UQCRC1: variants seen among roughly 807,000 people sequenced by gnomAD.
UQCRC1 encodes ubiquinol-cytochrome c reductase core protein 1.
In UQCRC1, 34 loss-of-function variants were observed where a neutral mutation model predicts 58.0. The ratio of observed to expected loss-of-function variants is 0.59; its 90% CI spans 0.45 to 0.78. The LOEUF (loss-of-function observed/expected upper bound fraction) is 0.78, where lower values mean the gene tolerates loss of function less well. Ranked by LOEUF, UQCRC1 falls within the 30% of genes least tolerant of loss-of-function variation. The pLI, the probability that UQCRC1 is intolerant of heterozygous loss-of-function variation, is 0.00. For missense variants in UQCRC1, 610 were observed against 646.0 expected (o/e 0.94, Z 0.60); for synonymous variants, 276 against 248.8 (o/e 1.11, Z -1.03).
intron 6 of UQCRC1, among the ~76,000 whole-genome samples, chr3:48,602,510 G>A (rs1178996211): frequency 6.6e-6 from 1 of 151,584 alleles, no homozygotes; most frequent in Non-Finnish European, 1.5e-5. Flanking sequence ...GTCATAAGCT[G>A]GGAAGCATGT....
chr3:48,605,949 C>G, intron 2 of UQCRC1, 93 bp from the exon 3 acceptor site: 1 of 1,259,864 alleles, frequency 7.9e-7, no homozygotes, highest in Admixed American at 2.4e-5. Context: ...AAGCCCCAGG[C>G]AGGGACTTAT....
intron 2 of UQCRC1, among the ~76,000 whole-genome samples, 190 bp from the exon 3 acceptor site, chr3:48,606,046 A>G (rs2046407986): frequency 6.6e-6 from 1 of 152,002 alleles, no homozygotes; most frequent in Non-Finnish European, 1.5e-5. Context: ...CAGCCGAATG[A>G]CTCGTCACAC....
At chr3:48,599,808 C>T in intron 11 of UQCRC1, 98 bp from the exon 12 acceptor site, 2 of 1,326,172 alleles carry the variant, frequency 1.5e-6, no homozygotes, top group South Asian at 1.2e-5. Context: ...CCACAGGCAG[C>T]ATGCAGCTGT....
In UQCRC1 at chr3:48,599,716, G is replaced by A. The variant is rs751594490; in HGVS notation, c.1303-6C>T. ...ACCACACTGGCATCCACCTCCTGCA[G>A]GGTGAGGCAGAGGGCATACTGGCTA... On this transcript the variant is annotated splice_polypyrimidine_tract_variant and splice_region_variant and intron_variant, in intron 11 of 12. Coordinates refer to ENST00000203407, the MANE Select transcript of UQCRC1 (RefSeq NM_003365.3). The A allele has an allele frequency of 3.1e-6, 5 of 1,613,522 alleles. No individual in the cohort carries two copies. In the South Asian group the frequency reaches 4.4e-5, roughly 14 times the overall value.
chr3:48,606,925 T>C (rs1295367067), intron 2 of UQCRC1, among the ~76,000 whole-genome samples: 5 of 152,074 alleles, frequency 3.3e-5, no homozygotes, highest in Non-Finnish European at 5.9e-5. Context: ...AGTGGTGTGA[T>C]GTCGGCTCAC....
At chr3:48,603,327 CTAAGACAGACCTG>C (rs1462172689) in intron 6 of UQCRC1, among the ~76,000 whole-genome samples, 1 of 152,202 alleles carries the variant, frequency 6.6e-6, no homozygotes, top group Non-Finnish European at 1.5e-5. Flanking sequence ...CCAGGTGGGG[CTAAGACAGACCTG>C]TACCAGAGGG....
Position 48,609,226 on chromosome 3 carries a change from T to C in UQCRC1, c.146A>G (p.Gln49Arg). The C allele has an allele frequency of 6.2e-7, 1 of 1,613,032 alleles. No individual in the cohort carries two copies. Among genetic ancestry groups the C allele is most frequent in the East Asian group, 2.2e-5 (1 of 44,870 alleles). ...AQALQFVPET[Q>R]VSLLDNGLRV... ...CAGGCCGTTGTCCAGCAGGCTAACCTGCGTCTCCGGCACGAACTGGAGCGC... is the reference window on the plus strand; with the variant it reads ...CAGGCCGTTGTCCAGCAGGCTAACCCGCGTCTCCGGCACGAACTGGAGCGC... Residue 49 changes from glutamine (Q) to arginine (R), a missense_variant, in exon 2 of 13, where the codon CAG becomes CGG. Transcript: ENST00000203407.
At chr3:48,601,198 G>C (rs1482023343) in intron 7 of UQCRC1, 80 bp from the exon 8 acceptor site, 1 of 1,551,266 alleles carries the variant, frequency 6.4e-7, no homozygotes, top group Non-Finnish European at 8.7e-7. Context: ...GGTAGAGGGT[G>C]TATGTGTGTG....
At chr3:48,604,588 G>T in intron 4 of UQCRC1, 63 bp downstream of exon 4, 1 of 1,608,184 alleles carries the variant, frequency 6.2e-7, no homozygotes, top group Non-Finnish European at 8.5e-7. Flanking sequence ...TCAGCCAGGG[G>T]CTCCTAGGTA....
chr3:48,607,641 C>T (rs2046426380), intron 2 of UQCRC1, among the ~76,000 whole-genome samples: 1 of 151,666 alleles, frequency 6.6e-6, no homozygotes, highest in South Asian at 2.1e-4. Flanking sequence ...TCACTGCAAC[C>T]TCTTATTCCT....
chr3:48,604,232 C>T lies in UQCRC1; in HGVS notation c.626+1G>A. ...CCCCCACAAGGCCAGCCAACTCTCA[C>T]CTGACATTCTCACTGGGCCCCTCCA... On this transcript the variant is annotated splice_donor_variant, in intron 5 of 12. Transcript: ENST00000203407. LOFTEE classifies it high-confidence loss of function. 6.2e-7 allele frequency: 1 copy of T among 1,612,268 alleles called. No individual in the cohort carries two copies. The highest frequency in any genetic ancestry group is 1.1e-5 in the South Asian group (1 of 90,996).
intron 2 of UQCRC1, 43 bp from the exon 3 acceptor site, chr3:48,605,899 C>T (rs1344763374): frequency 1.3e-6 from 2 of 1,594,276 alleles, no homozygotes; most frequent in East Asian, 2.3e-5. Context: ...CAAACCACTC[C>T]CCAGCCCCCT....
At chr3:48,601,526 G>A (rs1003881377) in intron 6 of UQCRC1, 59 bp from the exon 7 acceptor site, 127 of 1,525,952 alleles carry the variant, frequency 8.3e-5, no homozygotes, top group Middle Eastern at 5.1e-4. Context: ...AGGGTGGGGC[G>A]ATTCACAGAC....
At chr3:48,600,411 A>T (rs1398362002) in intron 10 of UQCRC1, 71 bp downstream of exon 10, 2 of 1,578,732 alleles carry the variant, frequency 1.3e-6, no homozygotes, top group African/African-American at 2.7e-5. Context: ...GTTAGTTAGG[A>T]GCAGTGGCCA....
chr3:48,600,293 C>A, intron 10 of UQCRC1, 142 bp from the exon 11 acceptor site: 1 of 1,095,536 alleles, frequency 9.1e-7, no homozygotes. Context: ...TCTATGGTCA[C>A]CTATTATGGC....
At chr3:48,600,258 G>T in intron 10 of UQCRC1, 107 bp from the exon 11 acceptor site, 1 of 1,288,266 alleles carries the variant, frequency 7.8e-7, no homozygotes, top group Non-Finnish European at 1.1e-6. Context: ...CTGACCTCAT[G>T]CTGACTCAGA....
chr3:48,604,599 G>T, intron 4 of UQCRC1, 52 bp downstream of exon 4: 5 of 1,611,400 alleles, frequency 3.1e-6, no homozygotes, highest in Non-Finnish European at 4.2e-6. Flanking sequence ...CTCCTAGGTA[G>T]CTGTCCTCTG....
rs750966354 is a variant in UQCRC1 at position 48,599,620 on chromosome 3, C to A, written c.1378+15G>T. On this transcript the variant is annotated intron_variant, in intron 12 of 12. Coordinates refer to ENST00000203407, the MANE Select transcript of UQCRC1 (RefSeq NM_003365.3). ...TGAGGAAATAAACAAAGAGCAGACC[C>A]CCTAGGCCACTTACCATATCCAGCC... is the stretch of plus-strand genomic sequence containing the variant. 7 of 1,613,632 alleles carry A rather than the reference C, an allele frequency of 4.3e-6. No individual in the cohort carries two copies. Among genetic ancestry groups the A allele is most frequent in the Non-Finnish European group, 5.9e-6 (7 of 1,179,848 alleles).
chr3:48,599,620 C>T lies in UQCRC1; in HGVS notation c.1378+15G>A. 6.2e-7 allele frequency: 1 copy of T among 1,613,632 alleles called. No individual in the cohort carries two copies. The highest frequency in any genetic ancestry group is 8.5e-7 in the Non-Finnish European group (1 of 1,179,848). On this transcript the variant is annotated intron_variant, in intron 12 of 12. Transcript: ENST00000203407. ...TGAGGAAATAAACAAAGAGCAGACC[C>T]CCTAGGCCACTTACCATATCCAGCC...
Sources: allele counts gnomAD v4.1 joint callset (sites outside exome capture counted in the v4.1 genomes callset), GRCh38; gene constraint gnomAD v4.1.1; transcripts MANE v1.5; gene names NCBI Gene and HGNC (gene_info 2026-07-23, HGNC 2026-07-21).